ERN1: variants seen among roughly 807,000 people sequenced by gnomAD.
The protein encoded by ERN1 is serine/threonine-protein kinase/endoribonuclease IRE1.
ERN1 carries 39 observed loss-of-function variants against 113.1 expected under a neutral mutation model. The observed-to-expected ratio is 0.34, with a 90% CI of 0.27 to 0.45. The LOEUF is 0.45. Ranked by LOEUF, ERN1 falls within the 20% of genes least tolerant of loss-of-function variation. The pLI, the probability that ERN1 is intolerant of heterozygous loss-of-function variation, is 1.00. For missense variants in ERN1, 976 were observed against 1,274.8 expected (o/e 0.77, Z 3.57); for synonymous variants, 507 against 515.9 (o/e 0.98, Z 0.23).
At chr17:64,079,835 G>A in intron 3 of ERN1, 101 bp from the exon 4 acceptor site, 1 of 886,288 alleles carries the variant, frequency 1.1e-6, no homozygotes. Flanking sequence ...AGAGAGTGGA[G>A]GGTGGTTGTG....
At position 64,066,703 on chromosome 17, in the gene ERN1, G is replaced by A; in HGVS notation, c.810C>T (p.Phe270=). 1.2e-6 allele frequency: 2 copies of A among 1,613,954 alleles called. No individual in the cohort carries two copies. The highest frequency in any genetic ancestry group is 1.1e-5 in the South Asian group (1 of 91,084). The change falls in exon 8 of 22, where the codon TTC becomes TTT. Residue 270 remains phenylalanine (F), a synonymous_variant. Coordinates refer to ENST00000433197, the MANE Select transcript of ERN1 (RefSeq NM_001433.5). ...TGCTCTTGGCCTCTGTCTCCTTGGG[G>A]AACGGGTACTTCCACTTTGTGATGC... The part of the protein sequence containing the change: ...VGRITKWKYP[F]PKETEAKSKL...
intron 1 of ERN1, among the ~76,000 whole-genome samples, chr17:64,116,654 A>ACACAC (rs1555619766): frequency 1.2e-4 from 18 of 149,674 alleles, no homozygotes; most frequent in African/African-American, 4.2e-4. Flanking sequence ...AAAAAAAAAT[A>ACACAC]ACACACACAC....
chr17:64,081,715 C>T (rs1047012130), intron 2 of ERN1, among the ~76,000 whole-genome samples: 13 of 152,210 alleles, frequency 8.5e-5, no homozygotes, highest in African/African-American at 3.1e-4. Flanking sequence ...CAAGAGCAGG[C>T]ATTACTTTTT....
At chr17:64,045,605 A>G in intron 19 of ERN1, 123 bp from the exon 20 acceptor site, 1 of 1,206,888 alleles carries the variant, frequency 8.3e-7, no homozygotes, top group Non-Finnish European at 1.2e-6. Flanking sequence ...GGCAGCAGGC[A>G]CCCTGCCCCC....
At chr17:64,122,306 G>C (rs953850300) in intron 1 of ERN1, among the ~76,000 whole-genome samples, 1 of 152,142 alleles carries the variant, frequency 6.6e-6, no homozygotes, top group African/African-American at 2.4e-5. Context: ...ATGCCTGAGA[G>C]AGGGTGCCCC....
At chr17:64,067,081 T>C (rs1913252970) in intron 7 of ERN1, 149 bp from the exon 8 acceptor site, 3 of 804,192 alleles carry the variant, frequency 3.7e-6, no homozygotes, top group African/African-American at 1.7e-5. Flanking sequence ...TTCACTTGTT[T>C]CCAATGAACT....
chr17:64,047,952 ATCT>A lies in ERN1; in HGVS notation c.2432_2434del (p.Lys811del). The A allele has an allele frequency of 6.2e-7, 1 of 1,613,406 alleles. No homozygotes were observed. Among genetic ancestry groups the A allele is most frequent in the Non-Finnish European group, 8.5e-7 (1 of 1,179,440 alleles). ...GCGTTTCTGAGGATCCATCGCAATC[ATCT>A]TCTCTATCAATTCACGTGCAATGAC... On this transcript the variant is annotated inframe_deletion, in exon 19 of 22. Transcript: ENST00000433197.
chr17:64,077,851 T>A (rs1003113614), intron 4 of ERN1, among the ~76,000 whole-genome samples: 1 of 152,012 alleles, frequency 6.6e-6, no homozygotes. Context: ...GTTCACGCCA[T>A]TTTCCTGCCT....
At chr17:64,051,731 A>T (rs1187506289) in intron 17 of ERN1, among the ~76,000 whole-genome samples, 1 of 152,278 alleles carries the variant, frequency 6.6e-6, no homozygotes, top group Non-Finnish European at 1.5e-5. Flanking sequence ...AAGACACCTG[A>T]TTCCATCCTG....
At chr17:64,094,447 C>A (rs982038413) in intron 2 of ERN1, among the ~76,000 whole-genome samples, 2 of 152,044 alleles carry the variant, frequency 1.3e-5, no homozygotes, top group Non-Finnish European at 2.9e-5. Flanking sequence ...ACTGTGTATA[C>A]GTAGTTTACT....
intron 2 of ERN1, among the ~76,000 whole-genome samples, chr17:64,095,650 C>A (rs1914209648): frequency 6.6e-6 from 1 of 152,240 alleles, no homozygotes; most frequent in East Asian, 1.9e-4. Context: ...AAAGCGAGCA[C>A]CTGTTGAGTC....
At chr17:64,067,553 A>G (rs182438500) in intron 7 of ERN1, among the ~76,000 whole-genome samples, 8,940 of 151,510 alleles carry the variant, frequency 0.059, 359 homozygotes, top group Non-Finnish European at 0.075. Flanking sequence ...GGCTGCAGTG[A>G]GCCCTGACTG....
At chr17:64,099,896 T>C (rs1423995873) in intron 1 of ERN1, among the ~76,000 whole-genome samples, 1 of 152,102 alleles carries the variant, frequency 6.6e-6, no homozygotes, top group Non-Finnish European at 1.5e-5. Context: ...GCCCACTCCC[T>C]GGAATGGGAG....
Position 64,039,466 on chromosome 17 carries a change from C to A in ERN1, c.*4522G>T, listed in dbSNP as rs1238000390. On this transcript the variant is annotated 3_prime_UTR_variant, in exon 22 of 22. Transcript: ENST00000433197. ...CCTAAAAATTAACATTTTACCCCGA[C>A]CAAATTAATCACCCTTTAATAATAA... The A allele has an allele frequency of 6.6e-6, 1 of 152,218 alleles. No individual in the cohort carries two copies. The highest frequency in any genetic ancestry group is 1.9e-4 in the East Asian group (1 of 5,184). The allele number at this position is 152,218 out of a possible 1,614,324, so 9.4% of individuals were successfully genotyped here.
At chr17:64,066,594 C>G in intron 8 of ERN1, 77 bp downstream of exon 8, 1 of 1,555,772 alleles carries the variant, frequency 6.4e-7, no homozygotes. Flanking sequence ...GCCTCCCGTG[C>G]AGGGCCTGCT....
At position 64,046,355 on chromosome 17, in the gene ERN1, T is replaced by C. The variant is rs145117825; in HGVS notation, c.2530-873A>G. On this transcript the variant is annotated intron_variant, in intron 19 of 21. Coordinates refer to ENST00000433197, the MANE Select transcript of ERN1 (RefSeq NM_001433.5). ...AAATGACCTGAGTGGAAGCCAGGTG[T>C]GTTCGAGAGACATATGACCTGGAGA... is the stretch of plus-strand genomic sequence containing the variant. Among the ~76,000 whole-genome samples, 137 of 152,314 alleles carry C rather than the reference T, an allele frequency of 9.0e-4. 2 individuals carry two copies. Among genetic ancestry groups the C allele is most frequent in the African/African-American group, 2.8e-3 (115 of 41,560 alleles).
Position 64,075,251 on chromosome 17 carries a change from T to TAAA in ERN1, c.283-7_283-5dup, listed in dbSNP as rs5821420. ...CTGGGATGGTAAAAGGAAGTTTCTT[T>TAAA]AAAAAAAAAAAAAAAGAAAAAAAAA... On this transcript the variant is annotated splice_polypyrimidine_tract_variant and splice_region_variant and intron_variant, in intron 4 of 21. Coordinates refer to ENST00000433197, the MANE Select transcript of ERN1 (RefSeq NM_001433.5). 83,513 of 1,271,636 alleles carry TAAA rather than the reference T, an allele frequency of 0.066. 422 individuals are homozygous for TAAA. Among genetic ancestry groups the TAAA allele is most frequent in the Non-Finnish European group, 0.074 (71,770 of 967,784 alleles). The allele number at this position is 1,271,636 out of a possible 1,614,324, so 78.8% of individuals were successfully genotyped here.
chr17:64,048,963 C>A, intron 18 of ERN1, 92 bp downstream of exon 18: 1 of 1,303,508 alleles, frequency 7.7e-7, no homozygotes, highest in Non-Finnish European at 1.0e-6. Context: ...ACCACGGCCT[C>A]TGTGAGTGCA....
At chr17:64,065,920 G>A (rs1041666995) in intron 8 of ERN1, among the ~76,000 whole-genome samples, 5 of 152,172 alleles carry the variant, frequency 3.3e-5, no homozygotes, top group Admixed American at 2.0e-4. Context: ...ACTGTCAAGA[G>A]CCCACCTGGG....
Sources: allele counts gnomAD v4.1 joint callset (sites outside exome capture counted in the v4.1 genomes callset), GRCh38; gene constraint gnomAD v4.1.1; transcripts MANE v1.5; gene names NCBI Gene and HGNC (gene_info 2026-07-23, HGNC 2026-07-21).